The following PTGER3 variants were observed in gnomAD, a reference collection of about 807,000 sequenced individuals.
PTGER3 encodes prostaglandin E2 receptor EP3 subtype.
PTGER3 carries 22 observed loss-of-function variants against 34.7 expected under a neutral mutation model. The observed-to-expected ratio is 0.63, with a 90% CI of 0.45 to 0.91. The LOEUF is 0.91. Among genes scored for constraint, PTGER3 ranks in the 40% least tolerant of loss-of-function variants. The pLI is 0.00. For synonymous variants in PTGER3, 241 were observed against 230.1 expected (o/e 1.05, Z -0.43); for missense variants, 468 against 519.4 (o/e 0.90, Z 0.96).
At chr1:70,973,706 C>G (rs879316284) in intron 3 of PTGER3, among the ~76,000 whole-genome samples, 5 of 152,114 alleles carry the variant, frequency 3.3e-5, no homozygotes, top group Non-Finnish European at 5.9e-5. Context: ...AAAAAAATCA[C>G]ACAATGCTAT....
At chr1:71,001,570 A>G (rs1186675021) in intron 2 of PTGER3, among the ~76,000 whole-genome samples, 1 of 150,842 alleles carries the variant, frequency 6.6e-6, no homozygotes, top group Non-Finnish European at 1.5e-5. Context: ...TGTCTCCTAG[A>G]GTTTTCCTGT....
chr1:71,006,074 C>T (rs1656930549), intron 2 of PTGER3: 1 of 764,218 alleles, frequency 1.3e-6, no homozygotes. Flanking sequence ...TAACTGTAGT[C>T]ATCCTACAGG....
intron 4 of PTGER3, among the ~76,000 whole-genome samples, chr1:70,930,303 C>T (rs1189624191): frequency 5.3e-5 from 8 of 152,202 alleles, no homozygotes; most frequent in Admixed American, 3.9e-4. Context: ...CCACAACCAC[C>T]TCAAAAATTC....
At chr1:71,036,422 C>T (rs2100973452) in intron 1 of PTGER3, among the ~76,000 whole-genome samples, 1 of 152,250 alleles carries the variant, frequency 6.6e-6, no homozygotes, top group African/African-American at 2.4e-5. Flanking sequence ...GAGGCTGAGG[C>T]TGGAGGATCA....
At chr1:70,884,456 AT>A (rs1646456659) in intron 4 of PTGER3, among the ~76,000 whole-genome samples, 1 of 152,210 alleles carries the variant, frequency 6.6e-6, no homozygotes, top group Admixed American at 6.5e-5. Flanking sequence ...GGTGGGTTTG[AT>A]TTAATCTGGC....
At chr1:70,901,235 C>A (rs1162793639) in intron 4 of PTGER3, among the ~76,000 whole-genome samples, 1 of 152,126 alleles carries the variant, frequency 6.6e-6, no homozygotes, top group Non-Finnish European at 1.5e-5. Flanking sequence ...CGCAAATGCT[C>A]ACAAATCTAA....
At chr1:70,977,493 T>A (rs1653823332) in intron 2 of PTGER3, among the ~76,000 whole-genome samples, 1 of 152,046 alleles carries the variant, frequency 6.6e-6, no homozygotes, top group South Asian at 2.1e-4. Context: ...TTTATCCCCA[T>A]CCACTGCTTG....
chr1:70,964,329 A>G (rs995198982), intron 2 of PTGER3, among the ~76,000 whole-genome samples: 3 of 152,136 alleles, frequency 2.0e-5, no homozygotes, highest in Admixed American at 1.3e-4. Flanking sequence ...TTATAGCAAC[A>G]CTCAATTTAC....
intron 2 of PTGER3, among the ~76,000 whole-genome samples, chr1:70,978,262 C>G (rs970128702): frequency 1.6e-4 from 24 of 152,108 alleles, no homozygotes; most frequent in African/African-American, 5.3e-4. Flanking sequence ...GATTGTAGTA[C>G]TCAGGCTAGA....
chr1:71,023,468 T>A (rs1054269482), intron 1 of PTGER3, among the ~76,000 whole-genome samples: 3 of 151,930 alleles, frequency 2.0e-5, no homozygotes, highest in Non-Finnish European at 4.4e-5. Flanking sequence ...ATAAACTGAC[T>A]ATGTGTGGTC....
At chr1:70,982,594 C>A (rs748801783) in intron 2 of PTGER3, among the ~76,000 whole-genome samples, 15 of 152,064 alleles carry the variant, frequency 9.9e-5, no homozygotes, top group Non-Finnish European at 1.8e-4. Flanking sequence ...TTTCTATTAG[C>A]CTTAAAATAA....
intron 4 of PTGER3, chr1:70,865,642 T>C (rs768980446): frequency 7.4e-7 from 1 of 1,353,010 alleles, no homozygotes. Context: ...TAGGCTGACT[T>C]CCTGGGTAAA....
At chr1:70,943,338 G>A (rs1476399094) in intron 4 of PTGER3, among the ~76,000 whole-genome samples, 3 of 152,110 alleles carry the variant, frequency 2.0e-5, no homozygotes, top group African/African-American at 7.2e-5. Flanking sequence ...TATATGGCCA[G>A]GGTGACAATC....
intron 3 of PTGER3, among the ~76,000 whole-genome samples, chr1:70,972,351 G>C (rs1239170000): frequency 6.6e-6 from 1 of 152,108 alleles, no homozygotes; most frequent in African/African-American, 2.4e-5. Flanking sequence ...ATTAATTAAA[G>C]TATTCTGTTT....
In PTGER3 at chr1:70,932,046, G is replaced by T. The variant is rs147879261; in HGVS notation, c.*23+21717C>A. Among the ~76,000 whole-genome samples the T allele has an allele frequency of 1.7e-3, 265 of 152,264 alleles. 1 individual carries two copies. Among genetic ancestry groups the T allele is most frequent in the African/African-American group, 6.1e-3 (252 of 41,558 alleles). On this transcript the variant is annotated intron_variant, in intron 4 of 4. Transcript: ENST00000370931. Reference sequence around the variant, plus strand: ...CAAGTCATGTCTTGAATGCTTTGCTGCTTAGAAATTTCTTCCACCAGATAC... The same window carrying T: ...CAAGTCATGTCTTGAATGCTTTGCTTCTTAGAAATTTCTTCCACCAGATAC...
At chr1:70,942,806 A>T (rs779633571) in intron 4 of PTGER3, among the ~76,000 whole-genome samples, 14 of 152,198 alleles carry the variant, frequency 9.2e-5, no homozygotes, top group Non-Finnish European at 1.3e-4. Flanking sequence ...AGGAAAGTTG[A>T]ACATGCAGAG....
At chr1:70,964,567 A>C (rs1203264804) in intron 2 of PTGER3, among the ~76,000 whole-genome samples, 1 of 152,130 alleles carries the variant, frequency 6.6e-6, no homozygotes, top group Admixed American at 6.5e-5. Flanking sequence ...TGTATTCACT[A>C]TCATGAGAAC....
downstream of PTGER3, among the ~76,000 whole-genome samples, chr1:70,969,804 T>G (rs1222241358): frequency 6.6e-6 from 1 of 152,156 alleles, no homozygotes. Context: ...TAGTTGAAAT[T>G]GAGATTCACA....
intron 1 of PTGER3, among the ~76,000 whole-genome samples, chr1:71,045,345 G>A (rs1326092403): frequency 6.6e-6 from 1 of 152,108 alleles, no homozygotes; most frequent in East Asian, 1.9e-4. Flanking sequence ...ATACTGAATT[G>A]TATGTAATAT....
Sources: allele counts gnomAD v4.1 joint callset (sites outside exome capture counted in the v4.1 genomes callset), GRCh38; gene constraint gnomAD v4.1.1; transcripts MANE v1.5; gene names NCBI Gene and HGNC (gene_info 2026-07-23, HGNC 2026-07-21).